KAZN: variants seen among roughly 807,000 people sequenced by gnomAD.
KAZN encodes kazrin, periplakin interacting protein, also known as kazrin.
In KAZN, 40 loss-of-function variants were observed where a neutral mutation model predicts 87.4. That is an observed-to-expected ratio of 0.46 (90% CI 0.36 to 0.60). KAZN has a LOEUF of 0.60. Ranked by LOEUF, KAZN falls within the 20% of genes least tolerant of loss-of-function variation. KAZN has a pLI of 0.00. For missense variants in KAZN, 898 were observed against 1,073.9 expected (o/e 0.84, Z 2.29); for synonymous variants, 466 against 458.3 (o/e 1.02, Z -0.22).
chr1:14,455,974 A>G (rs1667545413), intron 2 of KAZN, among the ~76,000 whole-genome samples: 1 of 152,242 alleles, frequency 6.6e-6, no homozygotes, highest in Admixed American at 6.5e-5. Flanking sequence ...TGCTATCTCA[A>G]CAGACCAAAA....
At chr1:14,998,738 G>A (rs1244519222) in intron 2 of KAZN, among the ~76,000 whole-genome samples, 2 of 152,034 alleles carry the variant, frequency 1.3e-5, no homozygotes, top group African/African-American at 2.4e-5. Flanking sequence ...TAGTAGAGAC[G>A]GGGTTTCGCC....
intron 2 of KAZN, among the ~76,000 whole-genome samples, chr1:14,541,204 G>A (rs1230800631): frequency 2.6e-5 from 4 of 152,142 alleles, no homozygotes; most frequent in East Asian, 1.9e-4. Context: ...TTTATCCTAC[G>A]CTTCAACTTC....
chr1:15,029,635 G>A (rs776108314), intron 2 of KAZN, among the ~76,000 whole-genome samples: 1 of 152,228 alleles, frequency 6.6e-6, no homozygotes, highest in African/African-American at 2.4e-5. Flanking sequence ...AAAGGCCTGG[G>A]AATGCCATGT....
intron 2 of KAZN, among the ~76,000 whole-genome samples, chr1:14,980,915 C>T (rs536468045): frequency 2.0e-5 from 3 of 152,182 alleles, no homozygotes; most frequent in Admixed American, 2.0e-4. Context: ...TCCTAGACTG[C>T]GTGTCTTCAG....
At chr1:14,867,121 A>G (rs886412153) in intron 1 of KAZN, among the ~76,000 whole-genome samples, 10 of 152,292 alleles carry the variant, frequency 6.6e-5, no homozygotes, top group Admixed American at 2.6e-4. Context: ...CTCTGCTACA[A>G]TGCTTGGCCA....
intron 1 of KAZN, among the ~76,000 whole-genome samples, chr1:13,989,688 A>G (rs1261896858): frequency 1.3e-5 from 2 of 152,190 alleles, no homozygotes; most frequent in Non-Finnish European, 2.9e-5. Flanking sequence ...GCGGGAGCTT[A>G]CATTCTATTT....
At position 14,669,153 on chromosome 1, in the gene KAZN, C is replaced by T. The variant is rs748467228; in HGVS notation, c.226+69930C>T. Among the ~76,000 whole-genome samples, 70 of 152,176 alleles carry T rather than the reference C, an allele frequency of 4.6e-4. 1 individual carries two copies. The highest frequency in any genetic ancestry group is 3.2e-3 in the Middle Eastern group (1 of 316). On this transcript the variant is annotated intron_variant, in intron 1 of 14. Transcript: ENST00000376030. ...GCTAGGAGTTGGCCTGGGGTGCAGC[C>T]ACCATCCACCTCCACCCCAACTTGG... is the stretch of plus-strand genomic sequence containing the variant.
chr1:14,329,794 T>C (rs1202910558), intron 2 of KAZN, among the ~76,000 whole-genome samples: 1 of 152,232 alleles, frequency 6.6e-6, no homozygotes, highest in African/African-American at 2.4e-5. Flanking sequence ...AAGCCCGAGC[T>C]GAGGTTACAG....
intron 1 of KAZN, among the ~76,000 whole-genome samples, chr1:14,722,160 AAAG>A (rs530690240): frequency 1.2e-3 from 137 of 110,278 alleles, no homozygotes; most frequent in Non-Finnish European, 2.1e-3. Context: ...CAAAAAAAAA[AAAG>A]AATAAAAAAT....
intron 1 of KAZN, among the ~76,000 whole-genome samples, chr1:14,792,246 C>T (rs1165760873): frequency 6.6e-6 from 1 of 152,154 alleles, no homozygotes; most frequent in Non-Finnish European, 1.5e-5. Context: ...AATGTACAAG[C>T]TAGCATCCCT....
chr1:13,953,836 C>G (rs889057940), intron 1 of KAZN, among the ~76,000 whole-genome samples: 5 of 152,124 alleles, frequency 3.3e-5, no homozygotes, highest in Non-Finnish European at 1.5e-5. Context: ...CAATCATAAT[C>G]TCAAAAGACA....
At chr1:13,946,860 C>A (rs1025277612) in intron 1 of KAZN, among the ~76,000 whole-genome samples, 2 of 151,478 alleles carry the variant, frequency 1.3e-5, no homozygotes, top group Non-Finnish European at 2.9e-5. Context: ...GCTGCTGTTA[C>A]GAATGACCAC....
chr1:14,312,024 G>A (rs148284828), intron 2 of KAZN, among the ~76,000 whole-genome samples: 62 of 152,246 alleles, frequency 4.1e-4, no homozygotes, highest in African/African-American at 1.4e-3. Flanking sequence ...GCTGGAGAAC[G>A]GCAGATGAAG....
At chr1:14,557,107 C>G (rs542206752) in intron 2 of KAZN, among the ~76,000 whole-genome samples, 63 of 151,934 alleles carry the variant, frequency 4.1e-4, no homozygotes, top group Non-Finnish European at 6.8e-4. Context: ...GCCCTAGGAC[C>G]AACAAAAGCA....
At chr1:14,757,309 T>C (rs1294579656) in intron 1 of KAZN, among the ~76,000 whole-genome samples, 1 of 152,226 alleles carries the variant, frequency 6.6e-6, no homozygotes, top group Non-Finnish European at 1.5e-5. Flanking sequence ...CTGCTTTCTC[T>C]TTAGTATCTC....
chr1:14,848,126 C>G (rs1198447876), intron 1 of KAZN, among the ~76,000 whole-genome samples: 3 of 152,190 alleles, frequency 2.0e-5, no homozygotes, highest in African/African-American at 7.2e-5. Context: ...GGATGTGTTC[C>G]TTGCTCCCTC....
rs115783469 is a variant in KAZN, at chr1:15,037,020, C to T, written c.555+2135C>T. Among the ~76,000 whole-genome samples, 811 of 152,198 alleles carry T rather than the reference C, an allele frequency of 5.3e-3. 6 individuals carry two copies. Among genetic ancestry groups the T allele is most frequent in the African/African-American group, 0.018 (753 of 41,522 alleles). The stretch of plus-strand genomic sequence containing the variant: ...GCCTACGGGCCTTCCCCCTGTGCAG[C>T]GCGCCTCTTCCCCCAACCCCATCAC... On this transcript the variant is annotated intron_variant, in intron 3 of 14. Transcript: ENST00000376030.
chr1:14,581,184 A>G (rs1294573733), intron 2 of KAZN, among the ~76,000 whole-genome samples: 1 of 152,092 alleles, frequency 6.6e-6, no homozygotes, highest in Non-Finnish European at 1.5e-5. Context: ...TGCCATTTGG[A>G]TGTCTAACAC....
At chr1:14,588,046 G>A (rs971885212) in intron 2 of KAZN, among the ~76,000 whole-genome samples, 1 of 152,174 alleles carries the variant, frequency 6.6e-6, no homozygotes, top group African/African-American at 2.4e-5. Context: ...TGCCACTCTT[G>A]AGCTGTAAGA....
Sources: gnomAD v4.1 joint callset for allele counts (sites outside exome capture counted in the v4.1 genomes callset) on GRCh38, gnomAD v4.1.1 for gene constraint, MANE v1.5 for transcripts, NCBI Gene and HGNC (gene_info 2026-07-23, HGNC 2026-07-21) for gene names.